TRAF3: variants seen among roughly 807,000 people sequenced by gnomAD.
TRAF3 encodes TNF receptor associated factor 3, also known as TNF receptor-associated factor 3.
In TRAF3, 13 loss-of-function variants were observed where a neutral mutation model predicts 62.3. The ratio of observed to expected loss-of-function variants is 0.21; its 90% CI spans 0.14 to 0.33. The LOEUF is 0.33. Ranked by LOEUF, TRAF3 falls within the 10% of genes least tolerant of loss-of-function variation. TRAF3 has a pLI of 1.00. For missense variants in TRAF3, 440 were observed against 741.8 expected, an observed-to-expected ratio of 0.59 and a Z score of 4.73; for synonymous variants, 269 against 283.4, an observed-to-expected ratio of 0.95 and a Z score of 0.51.
intron 1 of TRAF3, among the ~76,000 whole-genome samples, chr14:102,827,191 G>A (rs1900372249): frequency 1.3e-5 from 2 of 152,194 alleles, no homozygotes. Flanking sequence ...TCCTGGAGGT[G>A]CACTCGGGCC....
chr14:102,885,056 C>G (rs1476742286), intron 6 of TRAF3, among the ~76,000 whole-genome samples: 1 of 152,214 alleles, frequency 6.6e-6, no homozygotes, highest in Non-Finnish European at 1.5e-5. Flanking sequence ...CTGCCCTCCA[C>G]TCCCTTCTTT....
intron 2 of TRAF3, among the ~76,000 whole-genome samples, chr14:102,847,552 C>CTCCA (rs1453068162): frequency 9.9e-5 from 15 of 152,168 alleles, no homozygotes; most frequent in African/African-American, 3.6e-4. Flanking sequence ...GGGTAAGGGA[C>CTCCA]TCCACTACAG....
At chr14:102,877,069 A>G (rs894341666) in intron 6 of TRAF3, among the ~76,000 whole-genome samples, 5 of 149,118 alleles carry the variant, frequency 3.4e-5, no homozygotes, top group Non-Finnish European at 5.9e-5. Flanking sequence ...CAATTCATAG[A>G]TAATCCGTTC....
At position 102,871,939 on chromosome 14, in the gene TRAF3, G is replaced by A; in HGVS notation, c.268G>A (p.Ala90Thr). 6.2e-7 allele frequency: 1 copy of A among 1,614,190 alleles called. No individual in the cohort carries two copies. ...CAGCTCTTCAAGTCCAAAATGTACA[G>A]CGTGTCAAGAGAGCATCGTTAAAGA... is the stretch of plus-strand genomic sequence containing the variant. Reference protein sequence around the residue: ...LLSSSSPKCTACQESIVKDKV... With the variant: ...LLSSSSPKCTTCQESIVKDKV... The change falls in exon 4 of 12, where the codon GCG becomes ACG. Residue 90 changes from alanine (A) to threonine (T), a missense_variant. Physicochemically the swap from Ala to Thr is moderately conservative, Grantham distance 58. Coordinates refer to ENST00000392745, the MANE Select transcript of TRAF3 (RefSeq NM_145725.3).
At chr14:102,823,104 G>A (rs563853263) in intron 1 of TRAF3, among the ~76,000 whole-genome samples, 1 of 152,316 alleles carries the variant, frequency 6.6e-6, no homozygotes, top group South Asian at 2.1e-4. Context: ...CTTTCTGTGA[G>A]TTGGGTTGTT....
chr14:102,777,480 G>A lies in TRAF3; in HGVS notation c.-352G>A, dbSNP rs1489170793. 6.9e-6 allele frequency: 1 copy of A among 144,788 alleles called. No homozygotes were observed. Among genetic ancestry groups the A allele is most frequent in the African/African-American group, 2.5e-5 (1 of 40,364 alleles). 9.0% of individuals were successfully genotyped at this position (144,788 alleles called of 1,614,324 possible). On this transcript the variant is annotated 5_prime_UTR_variant, in exon 1 of 12. Transcript: ENST00000392745. ...CTGCGTGAGGGAGCGAGGGAGCGAG[G>A]GAGCGCGGCGCGGCCGCCGCGTGCG...
rs74082942 is a variant in TRAF3, at chr14:102,876,545, A to T, written c.570+20A>T. The T allele has an allele frequency of 3.7e-6, 6 of 1,611,368 alleles. No individual in the cohort carries two copies. In the African/African-American group the frequency reaches 8.0e-5, roughly 22 times the overall value. On this transcript the variant is annotated intron_variant, in intron 6 of 11. Transcript: ENST00000392745. ...CTGCAGGTGCGGGTCCTCCCATTCCACAGGCCTTCCACTCAATTCCTATAT... is the reference window on the plus strand; with the variant it reads ...CTGCAGGTGCGGGTCCTCCCATTCCTCAGGCCTTCCACTCAATTCCTATAT...
intron 2 of TRAF3, among the ~76,000 whole-genome samples, chr14:102,849,347 C>T (rs947070779): frequency 6.6e-6 from 1 of 152,192 alleles, no homozygotes; most frequent in Non-Finnish European, 1.5e-5. Context: ...GGTTGCATAT[C>T]GAGTGGACTG....
intron 10 of TRAF3, among the ~76,000 whole-genome samples, chr14:102,902,436 G>A (rs1002946426): frequency 7.2e-5 from 11 of 152,348 alleles, no homozygotes; most frequent in African/African-American, 2.6e-4. Context: ...CACAGAGACA[G>A]GACTGTGCTT....
intron 2 of TRAF3, among the ~76,000 whole-genome samples, chr14:102,831,073 G>C (rs982022676): frequency 3.9e-5 from 6 of 152,152 alleles, no homozygotes; most frequent in Non-Finnish European, 7.4e-5. Context: ...GGGTGACATT[G>C]TGTTTTCCTA....
At chr14:102,805,751 C>T (rs1419537685) in intron 1 of TRAF3, among the ~76,000 whole-genome samples, 1 of 152,174 alleles carries the variant, frequency 6.6e-6, no homozygotes, top group Non-Finnish European at 1.5e-5. Flanking sequence ...GGCAGTCCTT[C>T]CGAAGATTGT....
intron 10 of TRAF3, among the ~76,000 whole-genome samples, chr14:102,900,863 CTG>C (rs1890260747): frequency 6.6e-6 from 1 of 152,218 alleles, no homozygotes; most frequent in Non-Finnish European, 1.5e-5. Flanking sequence ...CTCTTCAGCT[CTG>C]TGTCGGAGTC....
intron 1 of TRAF3, among the ~76,000 whole-genome samples, chr14:102,810,341 C>T (rs1351703253): frequency 6.6e-6 from 1 of 152,120 alleles, no homozygotes; most frequent in Non-Finnish European, 1.5e-5. Context: ...AGGGTGACCT[C>T]AGTGTGTGGT....
chr14:102,822,783 A>G (rs1360722542), intron 1 of TRAF3, among the ~76,000 whole-genome samples: 1 of 152,192 alleles, frequency 6.6e-6, no homozygotes, highest in Non-Finnish European at 1.5e-5. Context: ...AGGCGGGTGG[A>G]TCACCTGAGG....
chr14:102,889,421 G>T (rs1889584906), intron 7 of TRAF3, 139 bp from the exon 8 acceptor site: 3 of 828,916 alleles, frequency 3.6e-6, no homozygotes, highest in Non-Finnish European at 6.2e-6. Flanking sequence ...AGAAGTCTAG[G>T]CAGCAGATGA....
At position 102,906,136 on chromosome 14, in the gene TRAF3, C is replaced by A. The variant is rs551385244; in HGVS notation, c.*352C>A. 2.4e-3 allele frequency: 431 copies of A among 177,614 alleles called. 6 individuals are homozygous for A. The South Asian group carries it at 0.024, about 10-fold the overall frequency. The allele number at this position is 177,614 out of a possible 1,614,324, so 11.0% of individuals were successfully genotyped here. A position where few individuals can be genotyped will look rare whatever the true frequency, so the allele number is the denominator to read the frequency against. ...TCCTTAAACTTGAACACCAAAAAAA[C>A]ACACACACACACACACGTGGGGATA... On this transcript the variant is annotated 3_prime_UTR_variant, in exon 12 of 12. Transcript: ENST00000392745.
rs1889548948 is a variant in TRAF3 at position 102,888,785 on chromosome 14, A to G, written c.652-775A>G. ...TACCTCATTTGTATTAGCCTAACAC[A>G]TGACTCTAAGTCCTTAAAATGTAAT... is the stretch of plus-strand genomic sequence containing the variant. On this transcript the variant is annotated intron_variant, in intron 7 of 11. Coordinates refer to ENST00000392745, the MANE Select transcript of TRAF3 (RefSeq NM_145725.3). Among the ~76,000 whole-genome samples, 4 of 152,238 alleles carry G rather than the reference A, an allele frequency of 2.6e-5. No homozygotes were observed. The South Asian group carries it at 8.3e-4, about 32-fold the overall frequency.
In TRAF3 at chr14:102,867,523, T is replaced by G. The variant is rs1344396574; in HGVS notation, c.-17-2662T>G. Among the ~76,000 whole-genome samples, 2 of 152,020 alleles carry G rather than the reference T, an allele frequency of 1.3e-5. 1 individual carries two copies. The highest frequency in any genetic ancestry group is 3.9e-4 in the East Asian group (2 of 5,188). On this transcript the variant is annotated intron_variant, in intron 2 of 11. Transcript: ENST00000392745. ...GTTGAGAGAGACTGGGAGGGTGGCCTCCTGGAGAAGGTCGGGGGCTGGACT... is the reference window on the plus strand; with the variant it reads ...GTTGAGAGAGACTGGGAGGGTGGCCGCCTGGAGAAGGTCGGGGGCTGGACT...
chr14:102,816,450 T>G (rs1163000589), intron 1 of TRAF3, among the ~76,000 whole-genome samples: 1 of 152,118 alleles, frequency 6.6e-6, no homozygotes, highest in Non-Finnish European at 1.5e-5. Flanking sequence ...GAAGATTAAG[T>G]GTGGTTTAAA....
Sources: gnomAD v4.1 joint callset for allele counts (sites outside exome capture counted in the v4.1 genomes callset) on GRCh38, gnomAD v4.1.1 for gene constraint, MANE v1.5 for transcripts, NCBI Gene and HGNC (gene_info 2026-07-23, HGNC 2026-07-21) for gene names.